LHX6: variants seen among roughly 807,000 people sequenced by gnomAD.
LHX6 encodes the protein LIM homeobox 6.
In LHX6, 15 loss-of-function variants were observed where a neutral mutation model predicts 47.1. That is an observed-to-expected ratio of 0.32 (90% CI 0.21 to 0.49). LHX6 has a LOEUF of 0.49. Ranked by LOEUF, LHX6 falls within the 20% of genes least tolerant of loss-of-function variation. LHX6 has a pLI of 0.99. For synonymous variants in LHX6, 242 were observed against 233.5 expected, an observed-to-expected ratio of 1.04 and a Z score of -0.33; for missense variants, 404 against 539.6, an observed-to-expected ratio of 0.75 and a Z score of 2.49.
intron 1 of LHX6, chr9:122,228,245 A>C (rs929084755): frequency 6.5e-7 from 1 of 1,534,006 alleles, no homozygotes; most frequent in Non-Finnish European, 8.7e-7. Context: ...GACCAAAAAG[A>C]GAAAAGAGAG....
At position 122,227,596 on chromosome 9, in the gene LHX6, T is replaced by C. The variant is rs573949450; in HGVS notation, c.85-116A>G. The C allele has an allele frequency of 1.8e-5, 25 of 1,385,658 alleles. No individual in the cohort carries two copies. In the South Asian group the frequency reaches 3.6e-4, roughly 20 times the overall value. 85.8% of individuals were successfully genotyped at this position (1,385,658 alleles called of 1,614,324 possible). ...TAAACCGGCGCCGAACAATGAGTCC[T>C]AACTTTGTAGTGGGCATTTAAAGCC... On this transcript the variant is annotated intron_variant, in intron 1 of 9. Transcript: ENST00000394319.
chr9:122,213,811 C>A lies in LHX6; in HGVS notation c.880-31G>T. 6.4e-7 allele frequency: 1 copy of A among 1,559,586 alleles called. No individual in the cohort carries two copies. The highest frequency in any genetic ancestry group is 8.7e-7 in the Non-Finnish European group (1 of 1,152,634). ...ACGACAGCCTCGGCAGCCTCAGCCT[C>A]GAGGAAAAGAGTCGGACGCGCCGCC... On this transcript the variant is annotated intron_variant, in intron 7 of 9. Coordinates refer to ENST00000394319, the MANE Select transcript of LHX6 (RefSeq NM_014368.5). This position sits in a 1 kb window ranked among gnomAD's most constrained non-coding sequence, Gnocchi z 5.5.
chr9:122,221,189 C>T (rs1477048117), intron 4 of LHX6: 14 of 985,406 alleles, frequency 1.4e-5, no homozygotes, highest in Non-Finnish European at 1.7e-5. Context: ...TGCTCCTTCC[C>T]TTCTAGGTAA....
At chr9:122,215,508 G>T (rs952693742) in intron 5 of LHX6, among the ~76,000 whole-genome samples, 2 of 152,208 alleles carry the variant, frequency 1.3e-5, no homozygotes, top group African/African-American at 4.8e-5. Context: ...GGCTGTGAGA[G>T]CTAGGATGTA....
At chr9:122,222,542 C>T (rs796823775) in intron 4 of LHX6, among the ~76,000 whole-genome samples, 19 of 152,250 alleles carry the variant, frequency 1.2e-4, no homozygotes, top group African/African-American at 4.3e-4. Context: ...GTGGCCTGGC[C>T]AAGGACACGC....
chr9:122,207,376 C>A (rs562019089), intron 9 of LHX6, among the ~76,000 whole-genome samples: 5 of 152,312 alleles, frequency 3.3e-5, no homozygotes, highest in African/African-American at 7.2e-5. Flanking sequence ...ACTTCAGAGT[C>A]CGACAGACTC....
rs1399550428 is a variant in LHX6 at position 122,203,187 on chromosome 9, C to G, written c.*1573G>C. On this transcript the variant is annotated 3_prime_UTR_variant, in exon 10 of 10. Transcript: ENST00000394319. The stretch of plus-strand genomic sequence containing the variant: ...CTTCTTAGGCTGCACCTGTGCCTAC[C>G]CTGCCTGTAGATCCCAGAGCAAGAA... The G allele has an allele frequency of 6.6e-6, 1 of 152,636 alleles. No individual in the cohort carries two copies. The highest frequency in any genetic ancestry group is 1.5e-5 in the Non-Finnish European group (1 of 68,054). 9.5% of individuals were successfully genotyped at this position (152,636 alleles called of 1,614,324 possible).
intron 9 of LHX6, 61 bp from the exon 10 acceptor site, chr9:122,204,841 C>A: frequency 2.5e-6 from 3 of 1,211,730 alleles, no homozygotes; most frequent in Non-Finnish European, 3.4e-6. Context: ...TGCTGCCCCC[C>A]AGAGAACCTC....
In LHX6 at chr9:122,226,985, C is replaced by T; in HGVS notation, c.202G>A (p.Glu68Lys). ...GGCGTACATGGGGAGGCCTGACCCTCGTCCTTGTCCAGAGCTCCTGCCAGG... is the reference window on the plus strand; with the variant it reads ...GGCGTACATGGGGAGGCCTGACCCTTGTCCTTGTCCAGAGCTCCTGCCAGG... ...EALAGALDKD[E>K]GQASPCTPST... The change falls in exon 3 of 10, where the codon GAG (glutamate) becomes AAG (lysine). Residue 68 changes from glutamate to lysine, a missense_variant. Glu to Lys is a moderately conservative substitution (Grantham distance 56, BLOSUM62 1). Coordinates refer to ENST00000394319, the MANE Select transcript of LHX6 (RefSeq NM_014368.5). The surrounding 1 kb of genome is among the most constrained non-coding windows in gnomAD (Gnocchi z 6.5). 1 of 1,539,454 alleles carries T rather than the reference C, an allele frequency of 6.5e-7. No homozygotes were observed. Among genetic ancestry groups the T allele is most frequent in the Non-Finnish European group, 8.8e-7 (1 of 1,141,308 alleles).
At chr9:122,216,027 C>T (rs1830582537) in intron 5 of LHX6, among the ~76,000 whole-genome samples, 3 of 152,020 alleles carry the variant, frequency 2.0e-5, no homozygotes, top group Admixed American at 2.0e-4. Flanking sequence ...ATTAAGGTGC[C>T]CTAGAGCTTA....
chr9:122,223,607 G>A (rs537955358), intron 4 of LHX6, among the ~76,000 whole-genome samples: 5 of 152,304 alleles, frequency 3.3e-5, no homozygotes, highest in South Asian at 2.1e-4. Flanking sequence ...AGCAACTTGC[G>A]AAGGTCACTA....
intron 4 of LHX6, among the ~76,000 whole-genome samples, chr9:122,223,021 G>T (rs1038435991): frequency 6.6e-6 from 1 of 152,190 alleles, no homozygotes; most frequent in Non-Finnish European, 1.5e-5. Flanking sequence ...GGAAAATTCT[G>T]CCTCCCACGC....
At chr9:122,225,128 T>C (rs1203960126) in intron 4 of LHX6, among the ~76,000 whole-genome samples, 1 of 151,900 alleles carries the variant, frequency 6.6e-6, no homozygotes, top group African/African-American at 2.4e-5. Context: ...GAGATCGCCT[T>C]CCACCATATT....
At chr9:122,211,466 G>T (rs988249105) in intron 8 of LHX6, among the ~76,000 whole-genome samples, 2 of 152,084 alleles carry the variant, frequency 1.3e-5, no homozygotes, top group African/African-American at 2.4e-5. Flanking sequence ...TTAGTTAACC[G>T]CAGAGCAAAC....
chr9:122,214,171 G>T lies in LHX6; in HGVS notation c.784-102C>A. On this transcript the variant is annotated intron_variant, in intron 6 of 9. Transcript: ENST00000394319. This position sits in a 1 kb window ranked among gnomAD's most constrained non-coding sequence, Gnocchi z 4.6. Reference sequence around the variant, plus strand: ...ACAGGCCACGCCCCAGGCAGCTGCGGCCCCGCCCCGCCACCCGGGTCCGGC... The same window carrying T: ...ACAGGCCACGCCCCAGGCAGCTGCGTCCCCGCCCCGCCACCCGGGTCCGGC... 1 of 1,384,312 alleles carries T rather than the reference G, an allele frequency of 7.2e-7. No homozygotes were observed. The highest frequency in any genetic ancestry group is 9.6e-7 in the Non-Finnish European group (1 of 1,036,826). The allele number at this position is 1,384,312 out of a possible 1,614,324, so 85.8% of individuals were successfully genotyped here. A position where few individuals can be genotyped will look rare whatever the true frequency, so the allele number is the denominator to read the frequency against.
In LHX6 at chr9:122,226,221, C is replaced by G. The variant is rs1244903269; in HGVS notation, c.461+155G>C. 6.6e-6 allele frequency among the ~76,000 whole-genome samples: 1 copy of G among 152,184 alleles called. No individual in the cohort carries two copies. Among genetic ancestry groups the G allele is most frequent in the Admixed American group, 6.5e-5 (1 of 15,282 alleles). The stretch of plus-strand genomic sequence containing the variant: ...GCTGCCTGGAGCTCTGGGTTCGCGC[C>G]GCTGAGCGCCGGCAGGTTGGACCAG... On this transcript the variant is annotated intron_variant, in intron 4 of 9. Coordinates refer to ENST00000394319, the MANE Select transcript of LHX6 (RefSeq NM_014368.5). This position sits in a 1 kb window ranked among gnomAD's most constrained non-coding sequence, Gnocchi z 6.5.
At chr9:122,221,824 G>T in intron 4 of LHX6, 3 of 559,060 alleles carry the variant, frequency 5.4e-6, no homozygotes, top group Non-Finnish European at 6.8e-6. Context: ...ACAGACGGGT[G>T]GCTGATATAT....
chr9:122,221,457 A>G, intron 4 of LHX6: 3 of 985,504 alleles, frequency 3.0e-6, no homozygotes, highest in South Asian at 9.4e-5. Context: ...GGAGCCCGCG[A>G]CAGAGCTTGG....
chr9:122,220,359 G>T (rs1226345598), intron 4 of LHX6, among the ~76,000 whole-genome samples: 1 of 152,212 alleles, frequency 6.6e-6, no homozygotes, highest in Non-Finnish European at 1.5e-5. Context: ...GTGGGGTTAG[G>T]GGGGATTATG....
Sources: allele counts gnomAD v4.1 joint callset (sites outside exome capture counted in the v4.1 genomes callset), GRCh38; gene constraint gnomAD v4.1.1; non-coding constraint Gnocchi (gnomAD v3.1); transcripts MANE v1.5; gene names NCBI Gene and HGNC (gene_info 2026-07-23, HGNC 2026-07-21).